CACNA1A: variants seen among roughly 807,000 people sequenced by gnomAD.
The protein encoded by CACNA1A is calcium voltage-gated channel subunit alpha1 A.
CACNA1A carries 57 observed loss-of-function variants against 262.4 expected under a neutral mutation model. The observed-to-expected ratio is 0.22, with a 90% CI of 0.18 to 0.27. The LOEUF (loss-of-function observed/expected upper bound fraction) is 0.27. Ranked by LOEUF, CACNA1A falls within the 10% of genes least tolerant of loss-of-function variation. The pLI is 1.00. For synonymous variants in CACNA1A, 1,431 were observed against 1,419.3 expected, an observed-to-expected ratio of 1.01 and a Z score of -0.18; for missense variants, 2,526 against 3,562.8, an observed-to-expected ratio of 0.71 and a Z score of 7.41.
intron 3 of CACNA1A, among the ~76,000 whole-genome samples, chr19:13,393,254 G>A (rs189138139): frequency 1.5e-3 from 230 of 152,340 alleles, no homozygotes; most frequent in Middle Eastern, 3.4e-3. Context: ...ACCATTAGTA[G>A]AGTAAATGAA....
chr19:13,214,845 C>G lies in CACNA1A; in HGVS notation c.5732-237G>C, dbSNP rs1232975603. The G allele has an allele frequency of 9.6e-6, 5 of 522,560 alleles. No individual in the cohort carries two copies. In the Admixed American group the frequency reaches 1.6e-4, roughly 17 times the overall value. 32.4% of individuals were successfully genotyped at this position (522,560 alleles called of 1,614,324 possible). On this transcript the variant is annotated intron_variant, in intron 38 of 46. Transcript: ENST00000360228. This position sits in a 1 kb window ranked among gnomAD's most constrained non-coding sequence, Gnocchi z 4.1. ...CATGGAGCAGCTGTGCAGGAGACAGCCCGGCATGGAGAACAGCTGGGCGAC... is the reference window on the plus strand; with the variant it reads ...CATGGAGCAGCTGTGCAGGAGACAGGCCGGCATGGAGAACAGCTGGGCGAC...
chr19:13,376,800 CATAATATATGTTATGTGTGATAT>C (rs1226731712), intron 3 of CACNA1A, among the ~76,000 whole-genome samples: 15 of 132,470 alleles, frequency 1.1e-4, no homozygotes, highest in Middle Eastern at 4.2e-3. Flanking sequence ...CATATATACA[CATAATATATGTTATGTGTGATAT>C]ATAACACATG....
intron 19 of CACNA1A, among the ~76,000 whole-genome samples, chr19:13,292,808 T>A (rs769908431): frequency 6.6e-6 from 1 of 152,176 alleles, no homozygotes; most frequent in South Asian, 2.1e-4. Context: ...TCTTTGCCAC[T>A]TTTTTTAAAG....
intron 1 of CACNA1A, among the ~76,000 whole-genome samples, chr19:13,491,056 T>G (rs924201328): frequency 1.3e-5 from 2 of 152,220 alleles, no homozygotes; most frequent in South Asian, 2.1e-4. Flanking sequence ...GAGCTCAGAC[T>G]CTGTCCCTTA....
At chr19:13,263,076 G>T in intron 24 of CACNA1A, 1 of 511,176 alleles carries the variant, frequency 2.0e-6, no homozygotes, top group South Asian at 2.1e-5. Context: ...AGGGCCCTTT[G>T]CCATCTGGCT....
At chr19:13,245,158 G>C (rs904717647) in intron 31 of CACNA1A, 24 bp downstream of exon 31, 14 of 1,594,330 alleles carry the variant, frequency 8.8e-6, no homozygotes, top group Non-Finnish European at 1.2e-5. Context: ...GAGTCACCCA[G>C]AGAGAAGCTG....
chr19:13,330,278 C>G lies in CACNA1A; in HGVS notation c.1311G>C (p.Glu437Asp). 6.4e-7 allele frequency: 1 copy of G among 1,562,438 alleles called. No individual in the cohort carries two copies. Among genetic ancestry groups the G allele is most frequent in the Non-Finnish European group, 8.7e-7 (1 of 1,152,422 alleles). Residue 437 changes from glutamate (E) to aspartate (D), a missense_variant, in exon 10 of 47, where the codon GAG (glutamate) becomes GAC (aspartate). Physicochemically the swap from Glu to Asp is conservative, Grantham distance 45. Transcript: ENST00000360228. ...KSKTDLLNPEEAEDQLADIAS... is the reference protein window; with the variant it reads ...KSKTDLLNPEDAEDQLADIAS... ...CTATATCAGCCAGCTGATCCTCAGC[C>G]TCTTCGGGGTTGAGCAAATCTGTCT...
intron 1 of CACNA1A, 58 bp downstream of exon 1, chr19:13,505,874 G>C: frequency 6.5e-7 from 1 of 1,536,844 alleles, no homozygotes; most frequent in Non-Finnish European, 8.9e-7. Flanking sequence ...CTGGAAGAGG[G>C]GAGGCGGAGG....
chr19:13,221,234 C>CTTTCTTTTTCTTTCT, intron 38 of CACNA1A, among the ~76,000 whole-genome samples: 1 of 36,306 alleles, frequency 2.8e-5, no homozygotes, highest in African/African-American at 1.5e-4. Flanking sequence ...TTCTTTCTTT[C>CTTTCTTTTTCTTTCT]TTTTTTTTTT....
At chr19:13,267,146 G>C (rs1374012595) in intron 24 of CACNA1A, among the ~76,000 whole-genome samples, 3 of 152,004 alleles carry the variant, frequency 2.0e-5, no homozygotes, top group Admixed American at 1.3e-4. Flanking sequence ...GAGAGAGAGA[G>C]AAAGAGAGAG....
At chr19:13,483,113 G>T (rs556148641) in intron 1 of CACNA1A, among the ~76,000 whole-genome samples, 5 of 152,170 alleles carry the variant, frequency 3.3e-5, no homozygotes, top group Non-Finnish European at 7.4e-5. Context: ...CAGAAGTAAG[G>T]TTCACTACTT....
At chr19:13,326,916 G>A (rs1267800522) in intron 10 of CACNA1A, among the ~76,000 whole-genome samples, 1 of 122,528 alleles carries the variant, frequency 8.2e-6, no homozygotes, top group South Asian at 2.5e-4. Flanking sequence ...TTTTTTTTTT[G>A]AGATGAAGTC....
At chr19:13,478,181 AC>A (rs1357338723) in intron 1 of CACNA1A, among the ~76,000 whole-genome samples, 1 of 152,156 alleles carries the variant, frequency 6.6e-6, no homozygotes, top group African/African-American at 2.4e-5. Context: ...ACCCGCCCCC[AC>A]AAAATAAACA....
At chr19:13,268,651 G>C (rs1027004782) in intron 24 of CACNA1A, among the ~76,000 whole-genome samples, 1 of 151,892 alleles carries the variant, frequency 6.6e-6, no homozygotes, top group African/African-American at 2.4e-5. Context: ...AGCCAGGATG[G>C]TCTCCATCTC....
intron 30 of CACNA1A, among the ~76,000 whole-genome samples, chr19:13,251,656 G>T (rs2056402798): frequency 6.6e-6 from 1 of 152,138 alleles, no homozygotes; most frequent in South Asian, 2.1e-4. Flanking sequence ...AGGTCATGTT[G>T]ATAATATTAA....
At chr19:13,318,888 A>ATTTTTTTTTTTTTTTTTTTTTT (rs1600317762) in intron 10 of CACNA1A, among the ~76,000 whole-genome samples, 14 of 94,656 alleles carry the variant, frequency 1.5e-4, no homozygotes, top group Admixed American at 3.3e-4. Flanking sequence ...TCTAAAATAC[A>ATTTTTTTTTTTTTTTTTTTTTT]TCTTTTTTTT....
intron 6 of CACNA1A, among the ~76,000 whole-genome samples, chr19:13,344,859 A>T: frequency 6.6e-6 from 1 of 151,940 alleles, no homozygotes; most frequent in Non-Finnish European, 1.5e-5. Context: ...GGTTCAAGTG[A>T]TTCTTGTGCC....
intron 31 of CACNA1A, among the ~76,000 whole-genome samples, chr19:13,239,821 G>A (rs1336041145): frequency 6.6e-6 from 1 of 152,024 alleles, no homozygotes; most frequent in Non-Finnish European, 1.5e-5. Context: ...ATGCATGCAT[G>A]ACTGTATGTG....
At chr19:13,369,973 G>A (rs530137281) in intron 4 of CACNA1A, among the ~76,000 whole-genome samples, 7 of 152,262 alleles carry the variant, frequency 4.6e-5, no homozygotes, top group African/African-American at 9.6e-5. Context: ...CCGGAAGAAC[G>A]AAGCCAATAA....
Sources: allele counts gnomAD v4.1 joint callset (sites outside exome capture counted in the v4.1 genomes callset), GRCh38; gene constraint gnomAD v4.1.1; non-coding constraint Gnocchi (gnomAD v3.1); transcripts MANE v1.5; gene names NCBI Gene and HGNC (gene_info 2026-07-23, HGNC 2026-07-21).